Variants in DSTN observed in about 807,000 individuals in gnomAD.
DSTN encodes the protein destrin, actin depolymerizing factor, also known as destrin.
In DSTN, 10 loss-of-function variants were observed where a neutral mutation model predicts 16.8. That is an observed-to-expected ratio of 0.60 (90% CI 0.37 to 1.01). DSTN has a LOEUF of 1.01. Ranked by LOEUF, DSTN falls within the 50% of genes least tolerant of loss-of-function variation. The pLI, the probability that DSTN is intolerant of heterozygous loss-of-function variation, is 0.01. For missense variants in DSTN, 141 were observed against 196.7 expected (o/e 0.72, Z 1.69); for synonymous variants, 57 against 58.9 (o/e 0.97, Z 0.14).
chr20:17,577,582 T>A (rs1017767840), intron 1 of DSTN, among the ~76,000 whole-genome samples: 1 of 152,000 alleles, frequency 6.6e-6, no homozygotes, highest in Admixed American at 6.6e-5. Context: ...AAAAAAATCT[T>A]TAGAGGAATA....
At chr20:17,586,251 A>G (rs1332150647) in intron 1 of DSTN, among the ~76,000 whole-genome samples, 2 of 152,238 alleles carry the variant, frequency 1.3e-5, no homozygotes, top group Admixed American at 6.5e-5. Flanking sequence ...TTATATGCAC[A>G]GGGAAACCAA....
At chr20:17,591,696 T>C (rs1469965028) in intron 1 of DSTN, among the ~76,000 whole-genome samples, 2 of 152,266 alleles carry the variant, frequency 1.3e-5, no homozygotes, top group South Asian at 2.1e-4. Context: ...CTGTGCACAT[T>C]AGAGTTAGAT....
intron 3 of DSTN, among the ~76,000 whole-genome samples, chr20:17,605,501 T>C (rs1235439392): frequency 1.3e-5 from 2 of 152,232 alleles, no homozygotes; most frequent in Non-Finnish European, 2.9e-5. Flanking sequence ...CTGGTTTTTA[T>C]ATTTTCATGG....
At chr20:17,592,179 AT>A in intron 1 of DSTN, 1 of 883,268 alleles carries the variant, frequency 1.1e-6, no homozygotes, top group Non-Finnish European at 1.4e-6. Context: ...TAATCCCAGC[AT>A]TTTGGGAGGC....
intron 2 of DSTN, among the ~76,000 whole-genome samples, chr20:17,603,498 C>T (rs911478640): frequency 6.6e-6 from 1 of 152,190 alleles, no homozygotes; most frequent in Non-Finnish European, 1.5e-5. Context: ...TGTGGACTTA[C>T]TGTACTGCAT....
chr20:17,577,839 A>G (rs564068344), intron 1 of DSTN, among the ~76,000 whole-genome samples: 34 of 152,384 alleles, frequency 2.2e-4, no homozygotes, highest in Admixed American at 6.5e-4. Flanking sequence ...GTATTTAGAT[A>G]TGATAAAATT....
intron 1 of DSTN, among the ~76,000 whole-genome samples, chr20:17,584,019 A>G (rs746572426): frequency 5.3e-5 from 8 of 152,104 alleles, no homozygotes; most frequent in Non-Finnish European, 7.4e-5. Context: ...GATTATAGGC[A>G]TGAGCCATTA....
chr20:17,588,548 G>C (rs1156344688), intron 1 of DSTN, among the ~76,000 whole-genome samples: 1 of 152,168 alleles, frequency 6.6e-6, no homozygotes, highest in Admixed American at 6.5e-5. Context: ...TTGGGAGGCC[G>C]AGGCGGGCGG....
At position 17,602,131 on chromosome 20, in the gene DSTN, C is replaced by T. The variant is rs1373574642; in HGVS notation, c.311+1086C>T. On this transcript the variant is annotated intron_variant, in intron 2 of 3. Transcript: ENST00000246069. ...TCGAGGTCACACCTCACTTGTATTT[C>T]AGTAAGCTTTTACTGCACTTGATTA... Among the ~76,000 whole-genome samples, 6 of 152,126 alleles carry T rather than the reference C, an allele frequency of 3.9e-5. 1 individual carries two copies. In the East Asian group the frequency reaches 1.2e-3, roughly 29 times the overall value.
At chr20:17,573,573 C>T (rs1024217307) in intron 1 of DSTN, among the ~76,000 whole-genome samples, 2 of 152,026 alleles carry the variant, frequency 1.3e-5, no homozygotes, top group Non-Finnish European at 2.9e-5. Context: ...TATCTAGAAG[C>T]GGAAGCCCTG....
chr20:17,586,744 A>G (rs898056728), intron 1 of DSTN, among the ~76,000 whole-genome samples: 7 of 152,246 alleles, frequency 4.6e-5, no homozygotes, highest in African/African-American at 1.7e-4. Context: ...AAGAAGCTCT[A>G]ACTAGATTTT....
chr20:17,604,978 C>T (rs1342108600), intron 3 of DSTN: 3 of 453,358 alleles, frequency 6.6e-6, no homozygotes, highest in Admixed American at 4.9e-5. Flanking sequence ...TAAATTTGCT[C>T]TTGCCTTTGA....
rs1042373545 is a variant in DSTN, at chr20:17,570,133, G to A, written c.-76G>A. 56 of 1,511,036 alleles carry A rather than the reference G, an allele frequency of 3.7e-5. No homozygotes were observed. Among genetic ancestry groups the A allele is most frequent in the Non-Finnish European group, 4.8e-5 (54 of 1,134,496 alleles). The allele number at this position is 1,511,036 out of a possible 1,614,324, so 93.6% of individuals were successfully genotyped here. A position where few individuals can be genotyped will look rare whatever the true frequency, so the allele number is the denominator to read the frequency against. Reference sequence around the variant, plus strand: ...CAGCGCTGGGTCTCTCGGTCCCGCAGCCGTGAGGAGGACGGTCTGCATACT... The same window carrying A: ...CAGCGCTGGGTCTCTCGGTCCCGCAACCGTGAGGAGGACGGTCTGCATACT... On this transcript the variant is annotated 5_prime_UTR_variant, in exon 1 of 4. Transcript: ENST00000246069.
Position 17,570,229 on chromosome 20 carries a change from C to T in DSTN, c.3+18C>T. 4 of 1,504,046 alleles carry T rather than the reference C, an allele frequency of 2.7e-6. No homozygotes were observed. The highest frequency in any genetic ancestry group is 1.2e-5 in the South Asian group (1 of 80,672). The allele number at this position is 1,504,046 out of a possible 1,614,324, so 93.2% of individuals were successfully genotyped here. A position where few individuals can be genotyped will look rare whatever the true frequency, so the allele number is the denominator to read the frequency against. ...CGAAGATGGTGAGTAGGAGGGAGGC[C>T]GAGGCGTGGGCCGAGGCGGCCGGGA... On this transcript the variant is annotated intron_variant, in intron 1 of 3. Coordinates refer to ENST00000246069, the MANE Select transcript of DSTN (RefSeq NM_006870.4).
At chr20:17,590,312 T>C (rs868644297) in intron 1 of DSTN, among the ~76,000 whole-genome samples, 31 of 152,348 alleles carry the variant, frequency 2.0e-4, no homozygotes, top group Admixed American at 1.7e-3. Context: ...ACAGTGATTC[T>C]TAAGTATGCA....
intron 1 of DSTN, among the ~76,000 whole-genome samples, chr20:17,583,735 C>CGTTTTTTTTTTT (rs754052495): frequency 1.4e-5 from 1 of 72,484 alleles, no homozygotes; most frequent in Non-Finnish European, 2.4e-5. Flanking sequence ...TTTGGAGTTT[C>CGTTTTTTTTTTT]TTTTTTTTTT....
chr20:17,584,712 A>C (rs947625312), intron 1 of DSTN, among the ~76,000 whole-genome samples: 1 of 151,928 alleles, frequency 6.6e-6, no homozygotes, highest in South Asian at 2.1e-4. Context: ...ACTAGAGAGA[A>C]GATAAAAATC....
At chr20:17,574,865 C>CT (rs1354147534) in intron 1 of DSTN, among the ~76,000 whole-genome samples, 50 of 64,220 alleles carry the variant, frequency 7.8e-4, no homozygotes, top group African/African-American at 1.9e-3. Context: ...CTTTTCTTTT[C>CT]TTTTGTTTTT....
At position 17,609,329 on chromosome 20, in the gene DSTN, A is replaced by G. The variant is rs1273087903; in HGVS notation, c.*2183A>G. On this transcript the variant is annotated 3_prime_UTR_variant, in exon 4 of 4. Transcript: ENST00000246069. ...AGCAAGCCTCCTGCCTTGGCCTCCT[A>G]AAGTGCTGTGATTACAGGTGTGAGC... The G allele has an allele frequency of 6.6e-6, 1 of 152,184 alleles. No individual in the cohort carries two copies. The highest frequency in any genetic ancestry group is 1.5e-5 in the Non-Finnish European group (1 of 68,104). The allele number at this position is 152,184 out of a possible 1,614,324, so 9.4% of individuals were successfully genotyped here.
Sources: allele counts gnomAD v4.1 joint callset (sites outside exome capture counted in the v4.1 genomes callset), GRCh38; gene constraint gnomAD v4.1.1; transcripts MANE v1.5; gene names NCBI Gene and HGNC (gene_info 2026-07-23, HGNC 2026-07-21).